Variants in MED12L observed in about 807,000 individuals in gnomAD.
MED12L encodes mediator complex subunit 12L, also known as mediator of RNA polymerase II transcription subunit 12-like protein.
MED12L carries 60 observed loss-of-function variants against 281.3 expected under a neutral mutation model. The ratio of observed to expected loss-of-function variants is 0.21; its 90% CI spans 0.17 to 0.26. The LOEUF is 0.26. MED12L is among the 10% of genes least tolerant of loss of function. The pLI, the probability that MED12L is intolerant of heterozygous loss-of-function variation, is 1.00. For synonymous variants in MED12L, 974 were observed against 987.2 expected, an observed-to-expected ratio of 0.99 and a Z score of 0.25; for missense variants, 2,146 against 2,680.9, an observed-to-expected ratio of 0.80 and a Z score of 4.41.
chr3:151,159,442 G>A (rs1394031964), intron 7 of MED12L, among the ~76,000 whole-genome samples: 3 of 152,166 alleles, frequency 2.0e-5, no homozygotes, highest in Non-Finnish European at 1.5e-5. Flanking sequence ...CCACTAGCCA[G>A]ATGTGGCTAC....
Position 151,166,451 on chromosome 3 carries a change from G to GTA in MED12L, c.1494+477_1494+478dup, listed in dbSNP as rs576468899. On this transcript the variant is annotated intron_variant, in intron 11 of 44. Coordinates refer to ENST00000687756, the MANE Select transcript of MED12L (RefSeq NM_001393769.1). ...GAAAAAAAGTGTGTGTTAAGTGTATGTATATATATGTGTATGCGTACATAT... is the reference window on the plus strand; with the variant it reads ...GAAAAAAAGTGTGTGTTAAGTGTATGTATATATATATGTGTATGCGTACATAT... Among the ~76,000 whole-genome samples the GTA allele has an allele frequency of 3.9e-3, 600 of 151,976 alleles. 2 individuals carry two copies. The highest frequency in any genetic ancestry group is 6.8e-3 in the Middle Eastern group (2 of 294).
intron 32 of MED12L, 74 bp from the exon 33 acceptor site, chr3:151,382,582 C>T (rs1553804293): frequency 1.1e-6 from 1 of 922,484 alleles, no homozygotes; most frequent in Admixed American, 3.1e-5. Context: ...TTTTTGCTAT[C>T]AGTATAAAGC....
chr3:151,334,405 AG>A (rs1318462598), intron 16 of MED12L, among the ~76,000 whole-genome samples: 1 of 151,496 alleles, frequency 6.6e-6, no homozygotes, highest in Non-Finnish European at 1.5e-5. Flanking sequence ...TGAAACACCT[AG>A]GTACAAAAAG....
intron 32 of MED12L, among the ~76,000 whole-genome samples, chr3:151,381,588 T>G (rs901913445): frequency 7.9e-5 from 12 of 152,230 alleles, no homozygotes; most frequent in Non-Finnish European, 8.8e-5. Context: ...TAGCATGGCC[T>G]GCTCCCTTCA....
At chr3:151,198,543 G>A (rs774157788) in intron 16 of MED12L, 23 of 1,613,908 alleles carry the variant, frequency 1.4e-5, no homozygotes, top group Non-Finnish European at 1.8e-5. Context: ...TACAGGATAG[G>A]ATCAAAGCAC....
chr3:151,334,196 C>CTTTTTTTTTTTTTTTTTTTTTTT (rs71138494), intron 16 of MED12L, among the ~76,000 whole-genome samples: 15 of 118,200 alleles, frequency 1.3e-4, no homozygotes, highest in South Asian at 2.8e-4. Context: ...TTCTTTCTTT[C>CTTTTTTTTTTTTTTTTTTTTTTT]TTTTTTTTTT....
intron 16 of MED12L, chr3:151,211,983 T>G (rs1727245838): frequency 6.6e-6 from 1 of 152,224 alleles, no homozygotes; most frequent in South Asian, 2.1e-4. Context: ...GCAGATAGAA[T>G]TTTTGAATTC....
chr3:151,417,262 C>G (rs1275116160), intron 43 of MED12L, among the ~76,000 whole-genome samples: 1 of 152,074 alleles, frequency 6.6e-6, no homozygotes, highest in African/African-American at 2.4e-5. Flanking sequence ...AGACTGCCTT[C>G]AGCACAGGAT....
intron 11 of MED12L, among the ~76,000 whole-genome samples, chr3:151,167,227 T>A (rs1483580628): frequency 1.3e-5 from 2 of 152,200 alleles, no homozygotes; most frequent in East Asian, 3.8e-4. Flanking sequence ...CATGAATGAA[T>A]TGCCCCAAAA....
chr3:151,160,650 A>G (rs954933967), intron 8 of MED12L, among the ~76,000 whole-genome samples: 8 of 152,124 alleles, frequency 5.3e-5, no homozygotes, highest in African/African-American at 7.2e-5. Flanking sequence ...GTATTTCTTG[A>G]GCTCTTAATG....
chr3:151,141,024 C>A (rs1432742929), intron 5 of MED12L, among the ~76,000 whole-genome samples: 1 of 152,128 alleles, frequency 6.6e-6, no homozygotes, highest in Admixed American at 6.5e-5. Context: ...CCCGCCACGA[C>A]GCCCAGCTAA....
intron 5 of MED12L, among the ~76,000 whole-genome samples, chr3:151,141,178 G>GTTTGTTTTTT (rs1553808456): frequency 2.9e-5 from 3 of 102,234 alleles, no homozygotes; most frequent in African/African-American, 1.3e-4. Context: ...TTTTTTTTTT[G>GTTTGTTTTTT]TTTTTTTTGT....
intron 43 of MED12L, among the ~76,000 whole-genome samples, chr3:151,422,908 T>C (rs1718430060): frequency 6.7e-6 from 1 of 148,740 alleles, no homozygotes; most frequent in African/African-American, 2.5e-5. Flanking sequence ...AATGAAAATA[T>C]ATTTTTTTGT....
chr3:151,411,214 G>T lies in MED12L; in HGVS notation c.5911-64G>T, dbSNP rs985278156. 11 of 1,410,350 alleles carry T rather than the reference G, an allele frequency of 7.8e-6. No homozygotes were observed. In the African/African-American group the frequency reaches 1.6e-4, roughly 20 times the overall value. The allele number at this position is 1,410,350 out of a possible 1,614,324, so 87.4% of individuals were successfully genotyped here. A position where few individuals can be genotyped will look rare whatever the true frequency, so the allele number is the denominator to read the frequency against. On this transcript the variant is annotated intron_variant, in intron 40 of 44. Coordinates refer to ENST00000687756, the MANE Select transcript of MED12L (RefSeq NM_001393769.1). ...TGGGTTTGTTTTTGCCCCATATATC[G>T]TAGTGATGGGAAAGCTAGGTGATAA...
At chr3:151,239,687 T>G (rs1733682575) in intron 16 of MED12L, among the ~76,000 whole-genome samples, 1 of 152,156 alleles carries the variant, frequency 6.6e-6, no homozygotes, top group South Asian at 2.1e-4. Flanking sequence ...TTTTTAAGAG[T>G]AAAAGGGATC....
At chr3:151,088,728 C>T (rs1436392733) in intron 2 of MED12L, among the ~76,000 whole-genome samples, 2 of 152,172 alleles carry the variant, frequency 1.3e-5, no homozygotes, top group Non-Finnish European at 2.9e-5. Context: ...GGACTACTTT[C>T]TATAACTTCC....
intron 16 of MED12L, among the ~76,000 whole-genome samples, chr3:151,314,301 T>C (rs1747947264): frequency 1.3e-5 from 2 of 152,212 alleles, no homozygotes; most frequent in Admixed American, 6.5e-5. Context: ...AGAACAAATA[T>C]TCTATTCTGC....
chr3:151,183,873 A>C (rs1282218228), intron 11 of MED12L, among the ~76,000 whole-genome samples: 1 of 152,256 alleles, frequency 6.6e-6, no homozygotes, highest in Non-Finnish European at 1.5e-5. Context: ...GCTTAGATTA[A>C]TAAAAACTGA....
intron 39 of MED12L, among the ~76,000 whole-genome samples, chr3:151,407,749 G>T (rs1716495304): frequency 1.3e-5 from 2 of 152,194 alleles, no homozygotes; most frequent in African/African-American, 4.8e-5. Context: ...TACTCTGAAA[G>T]TAAGATTCTT....
Sources: gnomAD v4.1 joint callset for allele counts (sites outside exome capture counted in the v4.1 genomes callset) on GRCh38, gnomAD v4.1.1 for gene constraint, MANE v1.5 for transcripts, NCBI Gene and HGNC (gene_info 2026-07-23, HGNC 2026-07-21) for gene names.